The following CCDC68 variants were observed in gnomAD, a reference collection of about 807,000 sequenced individuals.
CCDC68 encodes the protein coiled-coil domain containing 68, also known as coiled-coil domain-containing protein 68.
CCDC68 carries 45 observed loss-of-function variants against 47.1 expected under a neutral mutation model. The observed-to-expected ratio is 0.96, with a 90% CI of 0.75 to 1.23. The LOEUF (loss-of-function observed/expected upper bound fraction) is 1.23. Ranked by LOEUF, CCDC68 falls within the 50% of genes most tolerant of loss-of-function variation. The pLI is 0.00. For missense variants in CCDC68, 353 were observed against 373.6 expected (o/e 0.94, Z 0.45); for synonymous variants, 131 against 129.5 (o/e 1.01, Z -0.08).
intron 11 of CCDC68, among the ~76,000 whole-genome samples, chr18:54,906,126 C>A (rs1944355): frequency 0.3 from 45,392 of 151,866 alleles, 7,443 homozygotes; most frequent in East Asian, 0.63. Flanking sequence ...CTTGAATCAC[C>A]CCGAAACTAT....
intron 8 of CCDC68, among the ~76,000 whole-genome samples, chr18:54,927,664 T>C (rs1421494217): frequency 2.0e-5 from 3 of 152,196 alleles, no homozygotes; most frequent in Admixed American, 2.0e-4. Context: ...TCTACAGAAA[T>C]GTTCAGTGTT....
rs111228735 is a variant in CCDC68 at position 54,928,790 on chromosome 18, C to A, written c.683+10G>T. 7 of 1,590,488 alleles carry A rather than the reference C, an allele frequency of 4.4e-6. No homozygotes were observed. The highest frequency in any genetic ancestry group is 1.7e-4 in the Middle Eastern group (1 of 6,022). ...GGAACTGCCTTTACTTAACAGGTAG[C>A]TTCACAAACCTTTTTCCATATGTAG... is the stretch of plus-strand genomic sequence containing the variant. On this transcript the variant is annotated intron_variant, in intron 8 of 11. Coordinates refer to ENST00000591504, the MANE Select transcript of CCDC68 (RefSeq NM_025214.3).
At chr18:54,933,044 C>T (rs1052934005) in intron 7 of CCDC68, among the ~76,000 whole-genome samples, 1 of 152,180 alleles carries the variant, frequency 6.6e-6, no homozygotes, top group Non-Finnish European at 1.5e-5. Context: ...ATCTAGTACA[C>T]ATTTCTTGGG....
intron 1 of CCDC68, among the ~76,000 whole-genome samples, chr18:54,949,291 C>T (rs554454721): frequency 2.0e-5 from 3 of 152,282 alleles, no homozygotes; most frequent in East Asian, 3.9e-4. Context: ...CCACAGCACC[C>T]GGTCCCTAGA....
intron 10 of CCDC68, among the ~76,000 whole-genome samples, chr18:54,914,225 G>T (rs1435274887): frequency 1.1e-4 from 17 of 152,152 alleles, no homozygotes; most frequent in Admixed American, 1.1e-3. Context: ...TGCTGTGAAG[G>T]AAAGATTTAT....
At chr18:54,907,467 AACAGAAGAAGAAAG>A (rs1281803797) in intron 11 of CCDC68, among the ~76,000 whole-genome samples, 1 of 152,242 alleles carries the variant, frequency 6.6e-6, no homozygotes, top group African/African-American at 2.4e-5. Context: ...AAACTTGAGC[AACAGAAGAAGAAAG>A]ACAATAAAGG....
At chr18:54,910,316 T>A (rs567766548) in intron 10 of CCDC68, among the ~76,000 whole-genome samples, 1 of 152,218 alleles carries the variant, frequency 6.6e-6, no homozygotes, top group South Asian at 2.1e-4. Flanking sequence ...TGCAGGCAGG[T>A]TGTCCCAATA....
At chr18:54,919,425 G>A (rs750376375) in intron 8 of CCDC68, 49 bp from the exon 9 acceptor site, 15 of 1,397,148 alleles carry the variant, frequency 1.1e-5, no homozygotes, top group Admixed American at 5.0e-5. Flanking sequence ...TGGCTCACAC[G>A]TTCCATAGCT....
At chr18:54,939,749 T>C (rs138872040) in intron 4 of CCDC68, among the ~76,000 whole-genome samples, 13 of 152,240 alleles carry the variant, frequency 8.5e-5, no homozygotes, top group African/African-American at 2.9e-4. Flanking sequence ...TCTGAAACCC[T>C]CTCCTCATTT....
intron 10 of CCDC68, 26 bp from the exon 11 acceptor site, chr18:54,907,888 T>A: frequency 7.8e-7 from 1 of 1,289,016 alleles, no homozygotes; most frequent in Non-Finnish European, 1.1e-6. Context: ...AATGCAGACG[T>A]CAAATAGCTA....
chr18:54,901,563 A>G lies in CCDC68; in HGVS notation c.*2795T>C, dbSNP rs1913683385. ...GAAAACCAAACAATTCACACAATGT[A>G]GCATCAATTTTCTTTATGGTAAGGC... On this transcript the variant is annotated 3_prime_UTR_variant, in exon 12 of 12. Transcript: ENST00000591504. The G allele has an allele frequency of 6.6e-6, 1 of 152,222 alleles. No homozygotes were observed. Among genetic ancestry groups the G allele is most frequent in the African/African-American group, 2.4e-5 (1 of 41,476 alleles). 9.4% of individuals were successfully genotyped at this position (152,222 alleles called of 1,614,324 possible). A position where few individuals can be genotyped will look rare whatever the true frequency, so the allele number is the denominator to read the frequency against.
chr18:54,935,286 A>G (rs1227230428), intron 6 of CCDC68, among the ~76,000 whole-genome samples: 1 of 152,222 alleles, frequency 6.6e-6, no homozygotes, highest in African/African-American at 2.4e-5. Context: ...AACAAAAAAA[A>G]CCTTACATGT....
chr18:54,925,064 A>G (rs978664180), intron 8 of CCDC68, among the ~76,000 whole-genome samples: 2 of 152,162 alleles, frequency 1.3e-5, no homozygotes, highest in Admixed American at 1.3e-4. Flanking sequence ...GATAGATAAG[A>G]AATAACTGAA....
rs147709327 is a variant in CCDC68 at position 54,958,293 on chromosome 18, G to A, written c.-103+1043C>T. On this transcript the variant is annotated intron_variant, in intron 1 of 11. Transcript: ENST00000591504. ...CAAATTGGGAGTGGGGTGGGGAAGA[G>A]AGTGGGCAGCGGGGGAAAAGCATAA... Among the ~76,000 whole-genome samples, 13 of 152,306 alleles carry A rather than the reference G, an allele frequency of 8.5e-5. No homozygotes were observed. In the East Asian group the frequency reaches 1.5e-3, roughly 18 times the overall value.
intron 1 of CCDC68, among the ~76,000 whole-genome samples, chr18:54,952,017 C>A (rs1364592514): frequency 6.6e-6 from 1 of 152,202 alleles, no homozygotes; most frequent in Non-Finnish European, 1.5e-5. Context: ...TGACTTCATG[C>A]ACATTAAATT....
intron 2 of CCDC68, among the ~76,000 whole-genome samples, chr18:54,944,492 T>C (rs1423637554): frequency 3.3e-5 from 5 of 152,106 alleles, no homozygotes. Flanking sequence ...CTATGATGGA[T>C]TGAAACTTAT....
chr18:54,909,192 G>C (rs984002932), intron 10 of CCDC68, among the ~76,000 whole-genome samples: 1 of 152,018 alleles, frequency 6.6e-6, no homozygotes, highest in Non-Finnish European at 1.5e-5. Flanking sequence ...AATGGTTAGG[G>C]ATCATGAGCA....
Position 54,959,382 on chromosome 18 carries a change from C to T in CCDC68, c.-149G>A, listed in dbSNP as rs963080419. On this transcript the variant is annotated 5_prime_UTR_variant, in exon 1 of 12. Transcript: ENST00000591504. ...GCGGGGTCCCGGTGCTGCTCCTCCC[C>T]TGGGCGATCGGACCTTGGGGCCAGG... 3 of 152,092 alleles carry T rather than the reference C, an allele frequency of 2.0e-5. No individual in the cohort carries two copies. The highest frequency in any genetic ancestry group is 7.3e-5 in the African/African-American group (3 of 41,350). 9.4% of individuals were successfully genotyped at this position (152,092 alleles called of 1,614,324 possible).
intron 7 of CCDC68, among the ~76,000 whole-genome samples, chr18:54,930,015 G>A (rs1362979561): frequency 2.6e-5 from 4 of 152,058 alleles, no homozygotes; most frequent in African/African-American, 9.7e-5. Context: ...TATTTCATTA[G>A]AGCCCTGAGT....
Sources: gnomAD v4.1 joint callset for allele counts (sites outside exome capture counted in the v4.1 genomes callset) on GRCh38, gnomAD v4.1.1 for gene constraint, MANE v1.5 for transcripts, NCBI Gene and HGNC (gene_info 2026-07-23, HGNC 2026-07-21) for gene names.